SH3RF3: variants seen among roughly 807,000 people sequenced by gnomAD.
SH3RF3 encodes the protein E3 ubiquitin-protein ligase SH3RF3.
In SH3RF3, 29 loss-of-function variants were observed where a neutral mutation model predicts 66.3. The observed-to-expected ratio is 0.44, with a 90% CI of 0.33 to 0.60. SH3RF3 has a LOEUF of 0.60. Ranked by LOEUF, SH3RF3 falls within the 20% of genes least tolerant of loss-of-function variation. The pLI is 0.04. For missense variants in SH3RF3, 1,194 were observed against 1,190.9 expected, an observed-to-expected ratio of 1.00 and a Z score of -0.04; for synonymous variants, 583 against 532.0, an observed-to-expected ratio of 1.10 and a Z score of -1.32.
In SH3RF3 at chr2:109,367,302, A is replaced by G. The variant is rs186096211; in HGVS notation, c.850-4284A>G. 9.5e-3 allele frequency among the ~76,000 whole-genome samples: 1,415 copies of G among 149,288 alleles called. 18 individuals are homozygous for G. The highest frequency in any genetic ancestry group is 0.033 in the African/African-American group (1,348 of 40,294). ...TTTTACTTTTTATTTTTATTTTTAG[A>G]TGGAGTCTTGCTCTTGCCACCCAGG... On this transcript the variant is annotated intron_variant, in intron 2 of 9. Transcript: ENST00000309415.
Position 109,503,382 on chromosome 2 carries a change from G to T in SH3RF3, c.*1711G>T, listed in dbSNP as rs1209176535. On this transcript the variant is annotated 3_prime_UTR_variant, in exon 10 of 10. Coordinates refer to ENST00000309415, the MANE Select transcript of SH3RF3 (RefSeq NM_001099289.3). Reference sequence around the variant, plus strand: ...CTTATTTTCAGAGTTCCTGTTTTGGGACGTGACTTGGCTACTTGTTACTTC... The same window carrying T: ...CTTATTTTCAGAGTTCCTGTTTTGGTACGTGACTTGGCTACTTGTTACTTC... The T allele has an allele frequency of 1.3e-5, 2 of 152,134 alleles. No individual in the cohort carries two copies. Among genetic ancestry groups the T allele is most frequent in the Non-Finnish European group, 2.9e-5 (2 of 68,030 alleles). The allele number at this position is 152,134 out of a possible 1,614,324, so 9.4% of individuals were successfully genotyped here.
chr2:109,203,824 G>A (rs1487612831), intron 1 of SH3RF3, among the ~76,000 whole-genome samples: 1 of 40,224 alleles, frequency 2.5e-5, no homozygotes, highest in African/African-American at 1.6e-4. Context: ...ACTCTGAAGC[G>A]TTTGCTCTCT....
At chr2:109,426,022 C>T (rs1677019833) in intron 5 of SH3RF3, among the ~76,000 whole-genome samples, 1 of 152,176 alleles carries the variant, frequency 6.6e-6, no homozygotes, top group Admixed American at 6.5e-5. Context: ...CTCAGCCTTC[C>T]CGGTAGCTGG....
intron 1 of SH3RF3, among the ~76,000 whole-genome samples, chr2:109,287,655 G>A (rs1311211524): frequency 6.6e-6 from 1 of 152,178 alleles, no homozygotes; most frequent in Non-Finnish European, 1.5e-5. Context: ...TGTGAGATCA[G>A]GGTGTTCCCC....
chr2:109,400,487 A>T (rs1474586553), intron 4 of SH3RF3, among the ~76,000 whole-genome samples: 1 of 152,104 alleles, frequency 6.6e-6, no homozygotes, highest in Non-Finnish European at 1.5e-5. Flanking sequence ...ACACATGCGT[A>T]CAGGTGCATT....
intron 2 of SH3RF3, among the ~76,000 whole-genome samples, chr2:109,355,138 C>T (rs1277624182): frequency 6.6e-6 from 1 of 152,018 alleles, no homozygotes; most frequent in African/African-American, 2.4e-5. Flanking sequence ...TTGGAAATAC[C>T]AGGGAATAGG....
chr2:109,357,221 G>T (rs892489884), intron 2 of SH3RF3, among the ~76,000 whole-genome samples: 2 of 150,544 alleles, frequency 1.3e-5, no homozygotes, highest in African/African-American at 4.9e-5. Context: ...TTACTCTGTC[G>T]CCCAGGCTGG....
intron 4 of SH3RF3, among the ~76,000 whole-genome samples, chr2:109,399,932 G>A (rs760993354): frequency 2.9e-4 from 44 of 152,204 alleles, no homozygotes; most frequent in Non-Finnish European, 5.6e-4. Context: ...TCCCTGCGCT[G>A]CAGCCTTCCA....
Position 109,129,572 on chromosome 2 carries a change from C to A in SH3RF3, c.32C>A (p.Ser11Tyr). 1 of 1,487,064 alleles carries A rather than the reference C, an allele frequency of 6.7e-7. No individual in the cohort carries two copies. Among genetic ancestry groups the A allele is most frequent in the Non-Finnish European group, 8.9e-7 (1 of 1,127,144 alleles). 92.1% of individuals were successfully genotyped at this position (1,487,064 alleles called of 1,614,324 possible). The stretch of plus-strand genomic sequence containing the variant: ...CTCGGAGCGTCCTGGCTGTGCGCAT[C>A]CAAGGCGGCCGCCGCTGCTGCGCAG... MLLGASWLCA[S>Y]KAAAAAAQSE... is the part of the protein sequence containing the mutation. The change falls in exon 1 of 10, where the codon TCC becomes TAC. Residue 11 changes from serine to tyrosine, a missense_variant. Ser to Tyr is a moderately radical substitution (Grantham distance 144). Coordinates refer to ENST00000309415, the MANE Select transcript of SH3RF3 (RefSeq NM_001099289.3).
chr2:109,159,642 C>A (rs1677437887), intron 1 of SH3RF3, among the ~76,000 whole-genome samples: 2 of 152,196 alleles, frequency 1.3e-5, no homozygotes, highest in South Asian at 4.1e-4. Context: ...AACTGGGTTG[C>A]ACAGCAGGAG....
At chr2:109,156,538 T>A (rs962332111) in intron 1 of SH3RF3, among the ~76,000 whole-genome samples, 6 of 152,036 alleles carry the variant, frequency 3.9e-5, no homozygotes, top group Non-Finnish European at 5.9e-5. Context: ...CTTTACCTCC[T>A]GAGTTCAAGC....
intron 1 of SH3RF3, among the ~76,000 whole-genome samples, chr2:109,326,284 TAC>T (rs1255838431): frequency 1.3e-5 from 2 of 152,238 alleles, no homozygotes; most frequent in African/African-American, 4.8e-5. Flanking sequence ...TTATGTAGTG[TAC>T]AGTTTTTCAT....
At chr2:109,436,789 C>T in intron 6 of SH3RF3, 104 bp from the exon 7 acceptor site, 1 of 1,469,232 alleles carries the variant, frequency 6.8e-7, no homozygotes. Context: ...AGTTGGCCTT[C>T]ATCTCTTAAA....
At chr2:109,283,724 A>T (rs1038127489) in intron 1 of SH3RF3, among the ~76,000 whole-genome samples, 4 of 152,174 alleles carry the variant, frequency 2.6e-5, no homozygotes, top group Non-Finnish European at 5.9e-5. Flanking sequence ...GGGATGCTAA[A>T]TCGCTGGCCT....
chr2:109,301,813 C>T (rs761708239), intron 1 of SH3RF3, among the ~76,000 whole-genome samples: 7 of 152,344 alleles, frequency 4.6e-5, no homozygotes, highest in Non-Finnish European at 1.0e-4. Flanking sequence ...TTCTTGTCTT[C>T]ATTCTGGCCC....
At chr2:109,482,596 G>A (rs1360521505) in intron 8 of SH3RF3, among the ~76,000 whole-genome samples, 1 of 152,174 alleles carries the variant, frequency 6.6e-6, no homozygotes, top group East Asian at 1.9e-4. Context: ...CCCCTAAGAG[G>A]GGGAGAGCAG....
In SH3RF3 at chr2:109,502,788, C is replaced by A. The variant is rs1679425327; in HGVS notation, c.*1117C>A. The A allele has an allele frequency of 6.6e-6, 1 of 152,230 alleles. No homozygotes were observed. Among genetic ancestry groups the A allele is most frequent in the Admixed American group, 6.5e-5 (1 of 15,292 alleles). 9.4% of individuals were successfully genotyped at this position (152,230 alleles called of 1,614,324 possible). On this transcript the variant is annotated 3_prime_UTR_variant, in exon 10 of 10. Coordinates refer to ENST00000309415, the MANE Select transcript of SH3RF3 (RefSeq NM_001099289.3). ...AGGCAAAATCTTCCCTTTATTGCCT[C>A]AGAGAGAACTGCAATTAGCATTCTC...
intron 1 of SH3RF3, among the ~76,000 whole-genome samples, chr2:109,304,068 T>A (rs1681537198): frequency 6.7e-6 from 1 of 149,610 alleles, no homozygotes; most frequent in South Asian, 2.1e-4. Context: ...GCCATTGCAC[T>A]CCAGCCTGGG....
chr2:109,194,216 C>G, intron 1 of SH3RF3, among the ~76,000 whole-genome samples: 1 of 152,242 alleles, frequency 6.6e-6, no homozygotes, highest in Non-Finnish European at 1.5e-5. Context: ...CCGTGCAGAC[C>G]ACGTTTCAGG....
Sources: gnomAD v4.1 joint callset for allele counts (sites outside exome capture counted in the v4.1 genomes callset) on GRCh38, gnomAD v4.1.1 for gene constraint, MANE v1.5 for transcripts, NCBI Gene and HGNC (gene_info 2026-07-23, HGNC 2026-07-21) for gene names.